EPN2: variants seen among roughly 807,000 people sequenced by gnomAD.
EPN2 encodes epsin 2.
In EPN2, 34 loss-of-function variants were observed where a neutral mutation model predicts 61.7. The ratio of observed to expected loss-of-function variants is 0.55; its 90% confidence interval spans 0.42 to 0.73. The LOEUF (loss-of-function observed/expected upper bound fraction) is 0.73. EPN2 is among the 30% of genes least tolerant of loss of function. The pLI is 0.00. For missense variants in EPN2, 714 were observed against 839.2 expected (o/e 0.85, Z 1.84); for synonymous variants, 349 against 353.6 (o/e 0.99, Z 0.15).
chr17:19,262,350 T>G (rs2045150710), intron 1 of EPN2, among the ~76,000 whole-genome samples: 1 of 151,966 alleles, frequency 6.6e-6, no homozygotes, highest in Non-Finnish European at 1.5e-5. Context: ...TAGTGGCACA[T>G]GCCTGTAATC....
In EPN2 at chr17:19,265,159, G is replaced by A. The variant is rs186401277; in HGVS notation, c.-293-16796G>A. 1.7e-3 allele frequency among the ~76,000 whole-genome samples: 264 copies of A among 152,238 alleles called. 1 individual carries two copies. Among genetic ancestry groups the A allele is most frequent in the African/African-American group, 5.9e-3 (243 of 41,536 alleles). ...TACAATCTCAGCACTTTGGGATGCCGAGACAGGAGGATTGCTTGAGCCCAG... is the reference window on the plus strand; with the variant it reads ...TACAATCTCAGCACTTTGGGATGCCAAGACAGGAGGATTGCTTGAGCCCAG... On this transcript the variant is annotated intron_variant, in intron 1 of 10. Coordinates refer to ENST00000314728, the MANE Select transcript of EPN2 (RefSeq NM_014964.5).
intron 4 of EPN2, among the ~76,000 whole-genome samples, chr17:19,309,142 C>CTTTTTT (rs1196924683): frequency 7.6e-6 from 1 of 131,718 alleles, no homozygotes; most frequent in Non-Finnish European, 1.6e-5. Context: ...AAGGTCAACT[C>CTTTTTT]TTTTTTTTTT....
chr17:19,308,014 C>T, intron 4 of EPN2: 1 of 984,320 alleles, frequency 1.0e-6, no homozygotes, highest in Non-Finnish European at 1.2e-6. Context: ...ATGAATCCTG[C>T]TAGTTAGGTT....
chr17:19,307,472 G>A (rs1052340978), intron 4 of EPN2, among the ~76,000 whole-genome samples: 23 of 151,986 alleles, frequency 1.5e-4, no homozygotes, highest in Non-Finnish European at 2.5e-4. Flanking sequence ...CACCATGCCC[G>A]GCTAATTTAT....
intron 4 of EPN2, among the ~76,000 whole-genome samples, chr17:19,297,932 A>G (rs1383501750): frequency 2.0e-5 from 3 of 152,218 alleles, no homozygotes; most frequent in Non-Finnish European, 4.4e-5. Context: ...TCTGTCACCC[A>G]GTGGCACGAT....
intron 4 of EPN2, among the ~76,000 whole-genome samples, chr17:19,301,892 C>G (rs931251205): frequency 9.2e-5 from 14 of 152,202 alleles, no homozygotes; most frequent in African/African-American, 3.4e-4. Context: ...GGAGGCCCTG[C>G]TTGGTGTGGG....
intron 8 of EPN2, chr17:19,329,151 G>T (rs1228083508): frequency 6.3e-6 from 3 of 478,010 alleles, no homozygotes; most frequent in African/African-American, 2.0e-5. Flanking sequence ...ACTGCCCTGG[G>T]CCCACAGCCT....
chr17:19,302,816 A>T (rs1905596129), intron 4 of EPN2, among the ~76,000 whole-genome samples: 1 of 152,248 alleles, frequency 6.6e-6, no homozygotes, highest in Non-Finnish European at 1.5e-5. Flanking sequence ...ACCTAGGCCA[A>T]GGTCATGCAT....
At chr17:19,311,580 A>G (rs1158523295) in intron 5 of EPN2, among the ~76,000 whole-genome samples, 3 of 152,320 alleles carry the variant, frequency 2.0e-5, no homozygotes, top group South Asian at 4.1e-4. Context: ...AAGATAGTGA[A>G]TCATTTCTGT....
At chr17:19,244,393 A>G (rs1322533762) in intron 1 of EPN2, among the ~76,000 whole-genome samples, 1 of 150,856 alleles carries the variant, frequency 6.6e-6, no homozygotes, top group East Asian at 2.0e-4. Context: ...TGGGAGGCGG[A>G]GGTTGCAGTG....
At chr17:19,291,950 C>T (rs3785785) in intron 4 of EPN2, among the ~76,000 whole-genome samples, 7,296 of 152,192 alleles carry the variant, frequency 0.048, 226 homozygotes, top group East Asian at 0.11. Context: ...CTGAAGCATG[C>T]GCACACACAG....
At chr17:19,327,300 A>G (rs2152238624) in intron 7 of EPN2, among the ~76,000 whole-genome samples, 1 of 152,232 alleles carries the variant, frequency 6.6e-6, no homozygotes, top group East Asian at 1.9e-4. Flanking sequence ...AACACAGATG[A>G]CTCTCTCAAA....
At chr17:19,307,910 G>T in intron 4 of EPN2, 1 of 985,286 alleles carries the variant, frequency 1.0e-6, no homozygotes, top group Non-Finnish European at 1.2e-6. Flanking sequence ...TCCTTTGTCA[G>T]GAATTATTCC....
At chr17:19,307,201 C>T (rs1002099654) in intron 4 of EPN2, among the ~76,000 whole-genome samples, 1 of 152,148 alleles carries the variant, frequency 6.6e-6, no homozygotes, top group African/African-American at 2.4e-5. Context: ...TCTTTACCCT[C>T]TAGCTTTATT....
At chr17:19,304,621 AG>A (rs1427465852) in intron 4 of EPN2, among the ~76,000 whole-genome samples, 4 of 152,238 alleles carry the variant, frequency 2.6e-5, no homozygotes, top group African/African-American at 7.2e-5. Flanking sequence ...TGGAATCCAC[AG>A]GGAAGAGCCA....
Position 19,329,257 on chromosome 17 carries a change from C to G in EPN2, c.1325-304C>G, listed in dbSNP as rs534333819. 441 of 442,520 alleles carry G rather than the reference C, an allele frequency of 1.0e-3. 1 individual carries two copies. The highest frequency in any genetic ancestry group is 2.5e-3 in the South Asian group (56 of 22,798). 27.4% of individuals were successfully genotyped at this position (442,520 alleles called of 1,614,324 possible). On this transcript the variant is annotated intron_variant, in intron 8 of 10. Coordinates refer to ENST00000314728, the MANE Select transcript of EPN2 (RefSeq NM_014964.5). ...CAGACCCTCATCCAAGCAACCAGAC[C>G]CAGCTTGATGCACCTCCACCACTGC... is the stretch of plus-strand genomic sequence containing the variant.
chr17:19,335,556 T>G lies in EPN2; in HGVS notation c.*1302T>G. 1 of 1,320,534 alleles carries G rather than the reference T, an allele frequency of 7.6e-7. No individual in the cohort carries two copies. The allele number at this position is 1,320,534 out of a possible 1,614,324, so 81.8% of individuals were successfully genotyped here. A position where few individuals can be genotyped will look rare whatever the true frequency, so the allele number is the denominator to read the frequency against. On this transcript the variant is annotated 3_prime_UTR_variant, in exon 11 of 11. Coordinates refer to ENST00000314728, the MANE Select transcript of EPN2 (RefSeq NM_014964.5). ...GGAAATGGCAGTTGTCCCGAGGGCGTGGGGTGGGGGGTGCTTCTGTGCCCA... is the reference window on the plus strand; with the variant it reads ...GGAAATGGCAGTTGTCCCGAGGGCGGGGGGTGGGGGGTGCTTCTGTGCCCA...
At chr17:19,310,139 G>C (rs1003712244) in intron 5 of EPN2, 142 bp downstream of exon 5, 3 of 655,994 alleles carry the variant, frequency 4.6e-6, no homozygotes, top group Non-Finnish European at 8.3e-6. Context: ...TCATGCTGCC[G>C]TAAGTGTGTA....
chr17:19,247,030 A>G (rs533370240), intron 1 of EPN2, among the ~76,000 whole-genome samples: 129 of 151,794 alleles, frequency 8.5e-4, no homozygotes, highest in Admixed American at 3.1e-3. Flanking sequence ...TCAGCTTCCC[A>G]AAGTACTGGG....
Sources: allele counts gnomAD v4.1 joint callset (sites outside exome capture counted in the v4.1 genomes callset), GRCh38; gene constraint gnomAD v4.1.1; transcripts MANE v1.5; gene names NCBI Gene and HGNC (gene_info 2026-07-23, HGNC 2026-07-21).